The following CEP152 variants were observed in gnomAD, a reference collection of about 807,000 sequenced individuals.
The protein encoded by CEP152 is centrosomal protein 152, also known as centrosomal protein of 152 kDa.
A neutral mutation model predicts 188.9 loss-of-function variants in CEP152; 132 were observed. The observed-to-expected ratio is 0.70, with a 90% CI of 0.61 to 0.81. The LOEUF is 0.81. Among genes scored for constraint, CEP152 ranks in the 30% least tolerant of loss-of-function variants. The pLI, the probability that CEP152 is intolerant of heterozygous loss-of-function variation, is 0.00. For synonymous variants in CEP152, 649 were observed against 666.6 expected (o/e 0.97, Z 0.41); for missense variants, 1,914 against 1,969.8 (o/e 0.97, Z 0.54).
chr15:48,738,189 A>C lies in CEP152; in HGVS notation c.*60T>G. On this transcript the variant is annotated 3_prime_UTR_variant, in exon 27 of 27. Transcript: ENST00000380950. ...AGGGCTCACAATTTTTTTCAGTATG[A>C]GGTCTTCCCTTCCATTTTTGTTAAT... The C allele has an allele frequency of 6.6e-7, 1 of 1,509,576 alleles. No individual in the cohort carries two copies. The highest frequency in any genetic ancestry group is 8.9e-7 in the Non-Finnish European group (1 of 1,125,722). 93.5% of individuals were successfully genotyped at this position (1,509,576 alleles called of 1,614,324 possible).
intron 22 of CEP152, among the ~76,000 whole-genome samples, chr15:48,748,165 G>T (rs1893594665): frequency 6.6e-6 from 1 of 152,112 alleles, no homozygotes; most frequent in South Asian, 2.1e-4. Context: ...ATTCACTGCT[G>T]CATCCCCAGT....
chr15:48,793,511 TTA>T (rs763822166), intron 6 of CEP152, 50 bp from the exon 7 acceptor site: 8 of 1,526,460 alleles, frequency 5.2e-6, no homozygotes, highest in Non-Finnish European at 7.2e-6. Context: ...AAATATAAAT[TTA>T]TAGTCATTTA....
chr15:48,770,182 G>T (rs1595646936), intron 13 of CEP152, among the ~76,000 whole-genome samples: 1 of 151,960 alleles, frequency 6.6e-6, no homozygotes, highest in Admixed American at 6.6e-5. Flanking sequence ...TGTGTACCTG[G>T]ACTCTGAGCT....
At chr15:48,744,576 T>C (rs928035676) in intron 23 of CEP152, among the ~76,000 whole-genome samples, 1 of 152,122 alleles carries the variant, frequency 6.6e-6, no homozygotes, top group Admixed American at 6.5e-5. Flanking sequence ...TATGCAGGTA[T>C]TGAAAAACAT....
At chr15:48,764,643 G>A (rs894608587) in intron 17 of CEP152, among the ~76,000 whole-genome samples, 2 of 152,120 alleles carry the variant, frequency 1.3e-5, no homozygotes, top group African/African-American at 2.4e-5. Context: ...TACCCAACCT[G>A]AAGGATTCCG....
At chr15:48,776,353 A>C (rs1436642051) in intron 12 of CEP152, among the ~76,000 whole-genome samples, 2 of 152,160 alleles carry the variant, frequency 1.3e-5, no homozygotes, top group East Asian at 3.8e-4. Flanking sequence ...TAAAAATTAT[A>C]AACAGGAAAA....
chr15:48,751,209 A>T (rs1017746175), intron 21 of CEP152, among the ~76,000 whole-genome samples: 1 of 152,130 alleles, frequency 6.6e-6, no homozygotes, highest in Non-Finnish European at 1.5e-5. Flanking sequence ...CTAAAGAAAA[A>T]TATTTTTATA....
intron 7 of CEP152, among the ~76,000 whole-genome samples, chr15:48,792,482 A>G (rs1897048462): frequency 6.6e-6 from 1 of 152,240 alleles, no homozygotes; most frequent in Non-Finnish European, 1.5e-5. Flanking sequence ...TTCAACGTGG[A>G]CCAAAACTAG....
At chr15:48,787,169 T>TTTTTTTTTTG (rs1896708111) in intron 9 of CEP152, among the ~76,000 whole-genome samples, 1 of 140,174 alleles carries the variant, frequency 7.1e-6, no homozygotes, top group African/African-American at 2.6e-5. Flanking sequence ...CTTCGTTTTT[T>TTTTTTTTTTG]TTTTTTTTTT....
chr15:48,767,699 G>C (rs1242609350), intron 15 of CEP152, among the ~76,000 whole-genome samples: 1 of 152,200 alleles, frequency 6.6e-6, no homozygotes, highest in Admixed American at 6.5e-5. Flanking sequence ...TTGGATGTGA[G>C]ACTGCCCCAG....
intron 2 of CEP152, among the ~76,000 whole-genome samples, chr15:48,802,764 C>A (rs1003085774): frequency 6.6e-6 from 1 of 152,086 alleles, no homozygotes; most frequent in Admixed American, 6.6e-5. Flanking sequence ...CACTTTCTCC[C>A]TTTGACCTTC....
chr15:48,751,416 A>G (rs1893864610), intron 21 of CEP152, among the ~76,000 whole-genome samples: 1 of 152,234 alleles, frequency 6.6e-6, no homozygotes, highest in Non-Finnish European at 1.5e-5. Context: ...AATTGGCAGT[A>G]AGATATTCTC....
At position 48,744,279 on chromosome 15, in the gene CEP152, G is replaced by A; in HGVS notation, c.3796C>T (p.Leu1266Phe). ...LPCSGGALEE[L>F]RGQYIKAVKK... ...ACAGCTTTAATGTACTGCCCACGAAGTTCTTCCAAGGCTCCCCCACTGCAT... is the reference window on the plus strand; with the variant it reads ...ACAGCTTTAATGTACTGCCCACGAAATTCTTCCAAGGCTCCCCCACTGCAT... Residue 1266 changes from leucine to phenylalanine, a missense_variant, in exon 24 of 27, where the codon CTT (leucine) becomes TTT (phenylalanine). Coordinates refer to ENST00000380950, the MANE Select transcript of CEP152 (RefSeq NM_001194998.2). The A allele has an allele frequency of 3.7e-6, 6 of 1,613,974 alleles. No homozygotes were observed. Among genetic ancestry groups the A allele is most frequent in the Non-Finnish European group, 5.1e-6 (6 of 1,179,976 alleles).
At chr15:48,779,674 TA>T (rs1314435340) in intron 12 of CEP152, among the ~76,000 whole-genome samples, 3 of 152,146 alleles carry the variant, frequency 2.0e-5, no homozygotes. Flanking sequence ...AAGCTGGTAA[TA>T]AAATGGCAAA....
At chr15:48,808,977 A>AGGGTT (rs1898169009) in intron 1 of CEP152, among the ~76,000 whole-genome samples, 3 of 152,168 alleles carry the variant, frequency 2.0e-5, no homozygotes, top group Admixed American at 6.5e-5. Flanking sequence ...TGAACCCTTA[A>AGGGTT]CAAGACTATA....
At chr15:48,734,687 T>G (rs1280549552), downstream of CEP152, among the ~76,000 whole-genome samples, 1 of 151,700 alleles carries the variant, frequency 6.6e-6, no homozygotes, top group Non-Finnish European at 1.5e-5. Flanking sequence ...CAGAAAGACA[T>G]GCCATGCAAA....
Position 48,762,686 on chromosome 15 carries a change from A to G in CEP152, c.2281-14T>C. On this transcript the variant is annotated splice_polypyrimidine_tract_variant and intron_variant, in intron 17 of 26. Coordinates refer to ENST00000380950, the MANE Select transcript of CEP152 (RefSeq NM_001194998.2). ...TTTTTCTTTGATCTGTTTTCAGAAG[A>G]AAAATCATACGAGAAGAACAATTTT... is the stretch of plus-strand genomic sequence containing the variant. The G allele has an allele frequency of 1.2e-6, 2 of 1,612,440 alleles. No homozygotes were observed. Among genetic ancestry groups the G allele is most frequent in the Non-Finnish European group, 1.7e-6 (2 of 1,179,656 alleles).
At chr15:48,788,013 C>T (rs1271547019) in intron 9 of CEP152, among the ~76,000 whole-genome samples, 1 of 152,144 alleles carries the variant, frequency 6.6e-6, no homozygotes, top group African/African-American at 2.4e-5. Flanking sequence ...AATTTACTCT[C>T]TTCCCAAGAA....
rs1475565827 is a variant in CEP152, at chr15:48,760,280, C to T, written c.2563-14G>A. 2 of 1,613,686 alleles carry T rather than the reference C, an allele frequency of 1.2e-6. No homozygotes were observed. Among genetic ancestry groups the T allele is most frequent in the South Asian group, 1.1e-5 (1 of 91,068 alleles). On this transcript the variant is annotated splice_polypyrimidine_tract_variant and intron_variant, in intron 18 of 26. Transcript: ENST00000380950. ...AGCTATTTCTACCTGTAGGACATTG[C>T]AAAAGAAAGAGGTAAAGGGAAGTAT...
Sources: gnomAD v4.1 joint callset for allele counts (sites outside exome capture counted in the v4.1 genomes callset) on GRCh38, gnomAD v4.1.1 for gene constraint, MANE v1.5 for transcripts, NCBI Gene and HGNC (gene_info 2026-07-23, HGNC 2026-07-21) for gene names.